Variants in SAMMSON observed in about 807,000 individuals in gnomAD.
SAMMSON encodes long intergenic non-protein coding RNA 1212.
At chr3:70,308,336 C>T (rs1195367812) in intron 7 of SAMMSON, among the ~76,000 whole-genome samples, 2 of 152,196 alleles carry the variant, frequency 1.3e-5, no homozygotes, top group East Asian at 3.9e-4. Context: ...AGATTATAGG[C>T]ATGAGTCACT....
intron 4 of SAMMSON, among the ~76,000 whole-genome samples, chr3:70,166,191 T>C (rs2067636232): frequency 6.6e-6 from 1 of 151,992 alleles, no homozygotes; most frequent in African/African-American, 2.4e-5. Context: ...CTCTGCAGTA[T>C]GATATTAGGC....
intron 3 of SAMMSON, among the ~76,000 whole-genome samples, chr3:70,044,297 A>G (rs950939176): frequency 2.0e-5 from 3 of 152,116 alleles, no homozygotes; most frequent in Middle Eastern, 3.4e-3. Context: ...CTAGTACACA[A>G]TGAAAATATA....
At chr3:70,366,490 A>ATTTT (rs1575634556) in intron 9 of SAMMSON, among the ~76,000 whole-genome samples, 8 of 41,748 alleles carry the variant, frequency 1.9e-4, no homozygotes, top group Admixed American at 7.9e-4. Flanking sequence ...TTGTGTTTTT[A>ATTTT]TGTTTTTTTT....
At chr3:70,267,645 T>C (rs1207334436) in intron 6 of SAMMSON, among the ~76,000 whole-genome samples, 1 of 149,230 alleles carries the variant, frequency 6.7e-6, no homozygotes, top group African/African-American at 2.5e-5. Flanking sequence ...CTTGACCTCC[T>C]GACCTCGAGG....
At chr3:70,376,818 T>C (rs919329813) in intron 9 of SAMMSON, among the ~76,000 whole-genome samples, 47 of 152,294 alleles carry the variant, frequency 3.1e-4, no homozygotes, top group Non-Finnish European at 4.7e-4. Flanking sequence ...ATATTTCCTT[T>C]TGGTCTTTTT....
intron 9 of SAMMSON, among the ~76,000 whole-genome samples, chr3:70,362,833 G>T (rs1453294866): frequency 1.4e-5 from 2 of 141,832 alleles, no homozygotes; most frequent in East Asian, 2.0e-4. Flanking sequence ...TCCAGTGGCT[G>T]CTTCAGTAAC....
intron 7 of SAMMSON, among the ~76,000 whole-genome samples, chr3:70,298,509 T>G (rs796989345): frequency 2.0e-5 from 3 of 152,156 alleles, no homozygotes; most frequent in African/African-American, 7.2e-5. Context: ...TATTACTAAG[T>G]TGTAATTCAT....
chr3:70,004,796 A>G (rs2066919657), intron 1 of SAMMSON, among the ~76,000 whole-genome samples: 1 of 152,222 alleles, frequency 6.6e-6, no homozygotes, highest in Admixed American at 6.5e-5. Context: ...TTTTGTGGAG[A>G]ACGTTATCTA....
At chr3:70,229,986 TAC>T (rs1355187954) in intron 4 of SAMMSON, among the ~76,000 whole-genome samples, 2 of 152,164 alleles carry the variant, frequency 1.3e-5, no homozygotes, top group African/African-American at 4.8e-5. Flanking sequence ...CTAAGATTTG[TAC>T]AAAGTATAAT....
At chr3:70,408,589 C>T (rs959338332) in intron 2 of SAMMSON, among the ~76,000 whole-genome samples, 1 of 152,144 alleles carries the variant, frequency 6.6e-6, no homozygotes, top group Non-Finnish European at 1.5e-5. Flanking sequence ...CCAACAAGTT[C>T]CTCATCTCCA....
At chr3:70,251,023 C>A (rs1264610123) in intron 6 of SAMMSON, among the ~76,000 whole-genome samples, 1 of 152,164 alleles carries the variant, frequency 6.6e-6, no homozygotes, top group Admixed American at 6.5e-5. Context: ...CATTTAAACG[C>A]CTTTCCAGAG....
chr3:70,093,482 A>C (rs765766794), intron 4 of SAMMSON, among the ~76,000 whole-genome samples: 9 of 152,204 alleles, frequency 5.9e-5, no homozygotes, highest in Non-Finnish European at 8.8e-5. Context: ...TTTGTAGATG[A>C]CTAAATGACT....
intron 4 of SAMMSON, among the ~76,000 whole-genome samples, chr3:70,124,583 C>T (rs576409405): frequency 5.9e-5 from 9 of 152,044 alleles, no homozygotes; most frequent in South Asian, 2.1e-4. Flanking sequence ...GAGGCTGAGG[C>T]GGGTGGATCA....
chr3:70,279,542 C>T (rs1459795695), intron 6 of SAMMSON, among the ~76,000 whole-genome samples: 1 of 152,180 alleles, frequency 6.6e-6, no homozygotes, highest in Non-Finnish European at 1.5e-5. Context: ...AAATGTGTCA[C>T]CCCATCATCA....
At chr3:70,352,793 A>G (rs148872969) in intron 7 of SAMMSON, among the ~76,000 whole-genome samples, 27 of 152,204 alleles carry the variant, frequency 1.8e-4, no homozygotes, top group African/African-American at 5.1e-4. Flanking sequence ...GAGGATAACT[A>G]AGACAATTTT....
intron 4 of SAMMSON, among the ~76,000 whole-genome samples, chr3:70,146,381 A>G (rs550026929): frequency 9.4e-4 from 143 of 152,124 alleles, no homozygotes; most frequent in Non-Finnish European, 1.6e-3. Flanking sequence ...ACTATAGGAA[A>G]ATATCTGTCA....
At chr3:70,324,667 T>C (rs1206014889) in intron 7 of SAMMSON, among the ~76,000 whole-genome samples, 1 of 152,118 alleles carries the variant, frequency 6.6e-6, no homozygotes, top group Non-Finnish European at 1.5e-5. Flanking sequence ...ATGCAACCCT[T>C]TTATTGTGAT....
chr3:70,108,869 C>T (rs2067377892), intron 4 of SAMMSON, among the ~76,000 whole-genome samples: 2 of 152,218 alleles, frequency 1.3e-5, no homozygotes, highest in African/African-American at 2.4e-5. Context: ...GCTGTTTAAA[C>T]CATCCTGGCT....
At chr3:70,086,623 C>G (rs2067286392) in intron 4 of SAMMSON, among the ~76,000 whole-genome samples, 1 of 152,156 alleles carries the variant, frequency 6.6e-6, no homozygotes, top group Non-Finnish European at 1.5e-5. Context: ...TCCTCCCAGG[C>G]CTGGTAAGAT....
Sources: gnomAD v4.1 joint callset for allele counts (sites outside exome capture counted in the v4.1 genomes callset) on GRCh38, gnomAD v4.1.1 for gene constraint, MANE v1.5 for transcripts, NCBI Gene and HGNC (gene_info 2026-07-23, HGNC 2026-07-21) for gene names.